MYO16: variants seen among roughly 807,000 people sequenced by gnomAD.
The protein encoded by MYO16 is myosin XVI.
Under a neutral mutation model 205.3 loss-of-function variants are expected in MYO16, and 94 were observed. The observed-to-expected ratio is 0.46, with a 90% CI of 0.39 to 0.54. The LOEUF (loss-of-function observed/expected upper bound fraction) is 0.54, where lower values mean the gene tolerates loss of function less well. Among genes scored for constraint, MYO16 ranks in the 20% least tolerant of loss-of-function variants. The pLI is 0.00. For missense variants in MYO16, 2,315 were observed against 2,387.5 expected (o/e 0.97, Z 0.63); for synonymous variants, 988 against 954.0 (o/e 1.04, Z -0.66).
At chr13:108,822,448 T>C (rs1405934005) in intron 8 of MYO16, among the ~76,000 whole-genome samples, 2 of 152,166 alleles carry the variant, frequency 1.3e-5, no homozygotes, top group Admixed American at 1.3e-4. Context: ...AGGTTCTTAA[T>C]TGATATGAAT....
intron 27 of MYO16, among the ~76,000 whole-genome samples, chr13:109,082,707 C>G (rs182777833): frequency 6.6e-6 from 1 of 151,946 alleles, no homozygotes. Flanking sequence ...TGGTGGCCCT[C>G]GCCTGTAATC....
chr13:108,802,619 A>G (rs1887001049), intron 6 of MYO16, among the ~76,000 whole-genome samples: 2 of 152,128 alleles, frequency 1.3e-5, no homozygotes, highest in Admixed American at 1.3e-4. Context: ...ATCATAAGGT[A>G]GCTGTATTTT....
At chr13:109,006,765 A>G (rs1354290336) in intron 21 of MYO16, among the ~76,000 whole-genome samples, 2 of 152,186 alleles carry the variant, frequency 1.3e-5, no homozygotes, top group Non-Finnish European at 2.9e-5. Flanking sequence ...CTAGTATAAC[A>G]TAGTGGTTTA....
At chr13:108,732,953 CGTT>C (rs1277384545) in intron 4 of MYO16, among the ~76,000 whole-genome samples, 1 of 152,024 alleles carries the variant, frequency 6.6e-6, no homozygotes, top group East Asian at 1.9e-4. Context: ...GAAAAGTTGA[CGTT>C]GTAATTTTTG....
chr13:108,541,081 A>G, the MYO16 span, among the ~76,000 whole-genome samples: 1 of 152,112 alleles, frequency 6.6e-6, no homozygotes, highest in African/African-American at 2.4e-5. Context: ...GAAGACCACA[A>G]CAGTTTCATA....
the MYO16 span, among the ~76,000 whole-genome samples, chr13:108,517,073 G>A: frequency 9.2e-5 from 14 of 152,204 alleles, no homozygotes; most frequent in Admixed American, 9.2e-4. Flanking sequence ...GGGACTGTAG[G>A]CATGCACCAC....
In MYO16 at chr13:109,055,098, A is replaced by C; in HGVS notation, c.3101A>C (p.Asp1034Ala). The change falls in exon 26 of 35, where the codon GAT (aspartate) becomes GCT (alanine). Residue 1034 changes from aspartate (D) to alanine (A), a missense_variant. Asp to Ala is a moderately radical substitution (Grantham distance 126). Coordinates refer to ENST00000457511, the MANE Select transcript of MYO16 (RefSeq NM_001198950.3). The surrounding 1 kb of genome is among the most constrained non-coding windows in gnomAD (Gnocchi z 5.0). The part of the protein sequence containing the change: ...STFLQRLERG[D>A]PVTIASQLRK... ...TTTCTTCAAAGATTGGAACGAGGAG[A>C]TCCAGTCACCATAGCATCACAACTC... 6.3e-7 allele frequency: 1 copy of C among 1,589,312 alleles called. No individual in the cohort carries two copies. Among genetic ancestry groups the C allele is most frequent in the Non-Finnish European group, 8.5e-7 (1 of 1,171,028 alleles).
the MYO16 span, among the ~76,000 whole-genome samples, chr13:108,568,656 T>C: frequency 6.6e-6 from 1 of 152,148 alleles, no homozygotes; most frequent in Admixed American, 6.6e-5. Flanking sequence ...ATTGGTTTTA[T>C]CAACTCCATG....
At position 108,908,982 on chromosome 13, in the gene MYO16, A is replaced by AAAT. The variant is rs1555311585; in HGVS notation, c.1778-1019_1778-1018insTAA. Among the ~76,000 whole-genome samples, 988 of 142,104 alleles carry AAAT rather than the reference A, an allele frequency of 7.0e-3. 7 individuals carry two copies. Among genetic ancestry groups the AAAT allele is most frequent in the East Asian group, 0.021 (94 of 4,428 alleles). 93.2% of individuals were successfully genotyped at this position (142,104 alleles called of 152,430 possible). ...AGTGAGACTGTGTCTCAAAAAAAATAAAATAAAATAAATAAATAAATAAAT... is the reference window on the plus strand; with the variant it reads ...AGTGAGACTGTGTCTCAAAAAAAATAAATAAATAAAATAAATAAATAAATAAAT... On this transcript the variant is annotated intron_variant, in intron 15 of 34. Transcript: ENST00000457511.
chr13:109,082,694 G>A (rs547755010), intron 27 of MYO16, among the ~76,000 whole-genome samples: 1 of 151,982 alleles, frequency 6.6e-6, no homozygotes, highest in Non-Finnish European at 1.5e-5. Flanking sequence ...AATTAGCTGG[G>A]CCTGGTGGCC....
chr13:108,564,425 T>C, the MYO16 span, among the ~76,000 whole-genome samples: 1 of 152,316 alleles, frequency 6.6e-6, no homozygotes, highest in Non-Finnish European at 1.5e-5. Context: ...CATCTCGGCC[T>C]CCTGAAGTTC....
At chr13:108,867,497 G>C (rs551680337) in intron 12 of MYO16, among the ~76,000 whole-genome samples, 2 of 152,244 alleles carry the variant, frequency 1.3e-5, no homozygotes, top group South Asian at 4.1e-4. Flanking sequence ...CAATCTAAGG[G>C]TGTGTGTGAG....
At chr13:108,814,474 A>G (rs1398641869) in intron 7 of MYO16, among the ~76,000 whole-genome samples, 1 of 152,016 alleles carries the variant, frequency 6.6e-6, no homozygotes, top group Non-Finnish European at 1.5e-5. Context: ...ATATGATATA[A>G]AAGCAAGAAA....
At chr13:109,144,904 C>T (rs115103775) in intron 32 of MYO16, among the ~76,000 whole-genome samples, 1,703 of 152,228 alleles carry the variant, frequency 0.011, 34 homozygotes, top group African/African-American at 0.037. Context: ...TTGTTTCTTG[C>T]GTAATTCTAC....
At chr13:108,760,378 C>G (rs994884418) in intron 4 of MYO16, among the ~76,000 whole-genome samples, 1 of 107,414 alleles carries the variant, frequency 9.3e-6, no homozygotes, top group African/African-American at 2.9e-5. Context: ...AACACCATCA[C>G]ATGCCTCTTG....
rs143141878 is a variant in MYO16, at chr13:108,618,731, G to A, written c.-39+22492G>A. The stretch of plus-strand genomic sequence containing the variant: ...ATGAGTGAATGTAGAATGAACCAAT[G>A]CTTCTGAGTTACCTTAGTTTTACAC... On this transcript the variant is annotated intron_variant, in intron 1 of 24. Coordinates refer to the MYO16 transcript ENST00000251041. 6.7e-3 allele frequency among the ~76,000 whole-genome samples: 1,020 copies of A among 152,266 alleles called. 7 individuals are homozygous for A. Among genetic ancestry groups the A allele is most frequent in the Middle Eastern group, 0.02 (6 of 294 alleles).
chr13:108,993,564 C>T (rs1303147349), intron 21 of MYO16, among the ~76,000 whole-genome samples: 3 of 152,094 alleles, frequency 2.0e-5, no homozygotes, highest in Middle Eastern at 3.2e-3. Context: ...TGAGTCAGCA[C>T]GAACCACGTT....
At chr13:109,188,284 C>T (rs751262171) in intron 34 of MYO16, among the ~76,000 whole-genome samples, 7 of 152,108 alleles carry the variant, frequency 4.6e-5, no homozygotes, top group African/African-American at 9.7e-5. Context: ...AGTGTTTCTT[C>T]GTAACTTCTT....
chr13:108,664,883 G>A (rs1302816037), intron 1 of MYO16, among the ~76,000 whole-genome samples: 1 of 152,080 alleles, frequency 6.6e-6, no homozygotes, highest in Admixed American at 6.6e-5. Context: ...TTCAGAAATG[G>A]GAATTCACTT....
Sources: gnomAD v4.1 joint callset for allele counts (sites outside exome capture counted in the v4.1 genomes callset) on GRCh38, gnomAD v4.1.1 for gene constraint, Gnocchi (gnomAD v3.1) non-coding constraint, MANE v1.5 for transcripts, NCBI Gene and HGNC (gene_info 2026-07-23, HGNC 2026-07-21) for gene names.